The following SLC11A2 variants were observed in gnomAD, a reference collection of about 807,000 sequenced individuals.
SLC11A2 encodes solute carrier family 11 member 2, also known as natural resistance-associated macrophage protein 2.
Under a neutral mutation model 68.0 loss-of-function variants are expected in SLC11A2, and 38 were observed. The ratio of observed to expected loss-of-function variants is 0.56; its 90% CI spans 0.43 to 0.73. The LOEUF is 0.73. SLC11A2 is among the 30% of genes least tolerant of loss of function. The pLI is 0.00. For missense variants in SLC11A2, 517 were observed against 690.5 expected, an observed-to-expected ratio of 0.75 and a Z score of 2.82; for synonymous variants, 242 against 250.6, an observed-to-expected ratio of 0.97 and a Z score of 0.32.
upstream of SLC11A2, among the ~76,000 whole-genome samples, chr12:51,027,881 T>G (rs1420530617): frequency 1.8e-5 from 2 of 108,418 alleles, no homozygotes; most frequent in Non-Finnish European, 3.6e-5. Flanking sequence ...CCAAATAAAG[T>G]GCGAAGTAAA....
intron 1 of SLC11A2, among the ~76,000 whole-genome samples, chr12:51,014,534 CAT>C (rs778799055): frequency 1.3e-5 from 2 of 152,234 alleles, no homozygotes; most frequent in Non-Finnish European, 2.9e-5. Context: ...CAACAAACTA[CAT>C]GTTTCATTAC....
chr12:51,024,780 C>T (rs745701057), intron 1 of SLC11A2: 1 of 152,184 alleles, frequency 6.6e-6, no homozygotes, highest in Non-Finnish European at 1.5e-5. Flanking sequence ...CTGCTGATTT[C>T]CTAACATTAG....
chr12:51,003,558 A>C (rs11169661), intron 5 of SLC11A2, among the ~76,000 whole-genome samples: 22,222 of 150,388 alleles, frequency 0.15, 1,884 homozygotes, highest in South Asian at 0.26. Flanking sequence ...TCTCAAAAAA[A>C]AAAACAAAAC....
chr12:50,995,994 G>A (rs566251292), intron 9 of SLC11A2, among the ~76,000 whole-genome samples: 2 of 152,242 alleles, frequency 1.3e-5, no homozygotes, highest in South Asian at 2.1e-4. Context: ...ATGCCCTTTC[G>A]TTGAACTGTA....
chr12:50,956,974 CCAT>C, the SLC11A2 span, among the ~76,000 whole-genome samples: 1 of 150,398 alleles, frequency 6.6e-6, no homozygotes, highest in Non-Finnish European at 1.5e-5. Context: ...CATATGTCTA[CCAT>C]CATCATTTTG....
At chr12:50,988,719 T>C (rs539853954) in intron 15 of SLC11A2, among the ~76,000 whole-genome samples, 4 of 152,122 alleles carry the variant, frequency 2.6e-5, no homozygotes, top group South Asian at 2.1e-4. Context: ...TTTATTATTA[T>C]TTTACATTTT....
chr12:50,981,928 A>C (rs1167609764), downstream of SLC11A2: 2 of 498,210 alleles, frequency 4.0e-6, no homozygotes, highest in Non-Finnish European at 7.0e-6. Context: ...ATTGATTTTT[A>C]TTTCAGAAAA....
At chr12:50,952,539 C>G in the SLC11A2 span, among the ~76,000 whole-genome samples, 1 of 152,172 alleles carries the variant, frequency 6.6e-6, no homozygotes, top group Non-Finnish European at 1.5e-5. Context: ...GCAAAGGCCA[C>G]GTCCACCACC....
At chr12:51,010,570 T>C (rs1025200973) in intron 2 of SLC11A2, 125 bp downstream of exon 2, 6 of 633,274 alleles carry the variant, frequency 9.5e-6, no homozygotes, top group Non-Finnish European at 1.5e-5. Flanking sequence ...ATGGTGACTT[T>C]TGAATGGAGT....
intron 1 of SLC11A2, chr12:51,025,966 AG>A: frequency 9.9e-7 from 1 of 1,005,226 alleles, no homozygotes; most frequent in Non-Finnish European, 1.2e-6. Flanking sequence ...GCGTCGAAGC[AG>A]GTCAGCGCAC....
the SLC11A2 span, among the ~76,000 whole-genome samples, chr12:50,972,083 T>A: frequency 6.6e-6 from 1 of 152,196 alleles, no homozygotes; most frequent in South Asian, 2.1e-4. Flanking sequence ...AGCAGCTGGA[T>A]CTAATATGTT....
chr12:51,023,511 CATTAT>C (rs1944178566), intron 1 of SLC11A2, among the ~76,000 whole-genome samples: 1 of 152,146 alleles, frequency 6.6e-6, no homozygotes, highest in Non-Finnish European at 1.5e-5. Flanking sequence ...TCTTCTAATT[CATTAT>C]ATTCCGCTCA....
chr12:50,995,029 G>A (rs1941570732), intron 10 of SLC11A2: 3 of 281,478 alleles, frequency 1.1e-5, no homozygotes, highest in Admixed American at 5.1e-5. Context: ...TACACAGGCA[G>A]GCCAGGCACA....
chr12:51,019,860 G>A (rs1400570808), intron 1 of SLC11A2, among the ~76,000 whole-genome samples: 8 of 152,048 alleles, frequency 5.3e-5, no homozygotes, highest in Non-Finnish European at 1.0e-4. Flanking sequence ...GCCCAGGCTG[G>A]TCTTGAACTC....
chr12:51,007,489 T>G (rs1227014491), intron 3 of SLC11A2, among the ~76,000 whole-genome samples: 1 of 147,418 alleles, frequency 6.8e-6, no homozygotes, highest in African/African-American at 2.5e-5. Flanking sequence ...CACCCACCAC[T>G]ACGCCCAGCT....
intron 13 of SLC11A2, 89 bp downstream of exon 13, chr12:50,992,101 C>T: frequency 7.9e-7 from 1 of 1,270,570 alleles, no homozygotes; most frequent in Non-Finnish European, 1.1e-6. Flanking sequence ...TCTCAATATC[C>T]CCCCAGCACT....
At chr12:51,017,417 AAAGAG>A (rs1217777776) in intron 1 of SLC11A2, among the ~76,000 whole-genome samples, 2 of 152,182 alleles carry the variant, frequency 1.3e-5, no homozygotes. Context: ...CAAAAAGAAA[AAAGAG>A]AAAACACACA....
the SLC11A2 span, among the ~76,000 whole-genome samples, chr12:50,956,846 T>C: frequency 6.6e-6 from 1 of 152,194 alleles, no homozygotes; most frequent in Non-Finnish European, 1.5e-5. Context: ...TTCCCAGAAG[T>C]AGAATTTCCA....
chr12:50,958,375 G>C, the SLC11A2 span, among the ~76,000 whole-genome samples: 1 of 149,198 alleles, frequency 6.7e-6, no homozygotes, highest in African/African-American at 2.5e-5. Context: ...TCTGCCTCCC[G>C]GGTTCACACC....
Sources: allele counts gnomAD v4.1 joint callset (sites outside exome capture counted in the v4.1 genomes callset), GRCh38; gene constraint gnomAD v4.1.1; transcripts MANE v1.5; gene names NCBI Gene and HGNC (gene_info 2026-07-23, HGNC 2026-07-21).